The following CFAP20DC variants were observed in gnomAD, a reference collection of about 807,000 sequenced individuals.
CFAP20DC encodes CFAP20 domain containing.
In CFAP20DC, 84 loss-of-function variants were observed where a neutral mutation model predicts 101.7. The ratio of observed to expected loss-of-function variants is 0.83; its 90% CI spans 0.69 to 0.99. The LOEUF (loss-of-function observed/expected upper bound fraction) is 0.99, where lower values mean the gene tolerates loss of function less well. Ranked by LOEUF, CFAP20DC falls within the 50% of genes least tolerant of loss-of-function variation. The probability of loss-of-function intolerance (pLI) is 0.00; values close to 1 mark genes in which losing one functional copy is unlikely to be tolerated. For synonymous variants in CFAP20DC, 359 were observed against 351.2 expected, an observed-to-expected ratio of 1.02 and a Z score of -0.25; for missense variants, 1,007 against 970.3, an observed-to-expected ratio of 1.04 and a Z score of -0.50.
intron 14 of CFAP20DC, among the ~76,000 whole-genome samples, chr3:58,817,254 C>T (rs939190671): frequency 2.0e-5 from 3 of 152,214 alleles, no homozygotes; most frequent in Non-Finnish European, 4.4e-5. Flanking sequence ...CAAAGGAACG[C>T]AGTTCCTCAA....
At chr3:58,806,963 C>A (rs543886994) in intron 14 of CFAP20DC, among the ~76,000 whole-genome samples, 16 of 152,282 alleles carry the variant, frequency 1.1e-4, no homozygotes, top group African/African-American at 2.4e-4. Flanking sequence ...GTCTCACTGA[C>A]TGCTAGCACA....
chr3:58,867,734 T>C, intron 10 of CFAP20DC, 83 bp downstream of exon 10: 1 of 1,526,108 alleles, frequency 6.6e-7, no homozygotes, highest in Non-Finnish European at 9.0e-7. Context: ...TTCATAATCC[T>C]TTGAAATTTA....
chr3:58,963,190 T>TGTGTGTGTGTGTG (rs2091283461), intron 4 of CFAP20DC, among the ~76,000 whole-genome samples: 2 of 118,184 alleles, frequency 1.7e-5, no homozygotes, highest in East Asian at 2.8e-4. Flanking sequence ...GTTCAGTAGT[T>TGTGTGTGTGTGTG]TGTGTGTGTG....
chr3:58,848,476 G>A (rs1036394177), intron 13 of CFAP20DC, among the ~76,000 whole-genome samples: 2 of 152,118 alleles, frequency 1.3e-5, no homozygotes, highest in Admixed American at 6.6e-5. Flanking sequence ...GGAATTGAAG[G>A]AAGAAAAGTA....
chr3:58,957,197 T>C (rs555199556), intron 4 of CFAP20DC, among the ~76,000 whole-genome samples: 3 of 152,242 alleles, frequency 2.0e-5, no homozygotes, highest in African/African-American at 7.2e-5. Flanking sequence ...GGTAAAAGAT[T>C]TGAACAAACA....
intron 14 of CFAP20DC, among the ~76,000 whole-genome samples, chr3:58,812,381 A>G (rs2107798292): frequency 6.6e-6 from 1 of 152,308 alleles, no homozygotes; most frequent in Admixed American, 6.5e-5. Flanking sequence ...AGCCATAAAA[A>G]ATGATGAGTT....
intron 5 of CFAP20DC, among the ~76,000 whole-genome samples, chr3:58,919,137 T>G (rs2085058397): frequency 6.6e-6 from 1 of 152,212 alleles, no homozygotes; most frequent in African/African-American, 2.4e-5. Context: ...AACCACTGAT[T>G]TCTTTCACCT....
intron 4 of CFAP20DC, among the ~76,000 whole-genome samples, chr3:59,035,145 G>A (rs528803623): frequency 6.6e-6 from 1 of 152,288 alleles, no homozygotes; most frequent in South Asian, 2.1e-4. Flanking sequence ...TGAAACCAAT[G>A]AGAACAAAGA....
At chr3:59,040,796 CAATA>C (rs1699304057) in intron 3 of CFAP20DC, among the ~76,000 whole-genome samples, 1 of 151,958 alleles carries the variant, frequency 6.6e-6, no homozygotes, top group African/African-American at 2.4e-5. Flanking sequence ...ACATTCTAAA[CAATA>C]AACATATTTG....
intron 13 of CFAP20DC, among the ~76,000 whole-genome samples, chr3:58,843,180 T>A (rs1181503423): frequency 6.6e-6 from 1 of 152,164 alleles, no homozygotes; most frequent in Non-Finnish European, 1.5e-5. Flanking sequence ...TTTGATGAGC[T>A]GAGAGAAGAA....
chr3:58,834,160 G>A (rs1011078536), intron 13 of CFAP20DC, among the ~76,000 whole-genome samples: 1 of 152,088 alleles, frequency 6.6e-6, no homozygotes, highest in Non-Finnish European at 1.5e-5. Flanking sequence ...AAGAACTCCC[G>A]AATTCCTTAC....
intron 6 of CFAP20DC, among the ~76,000 whole-genome samples, chr3:58,889,059 A>G (rs2081926519): frequency 6.6e-6 from 1 of 151,960 alleles, no homozygotes; most frequent in African/African-American, 2.4e-5. Context: ...TCTTAATTCA[A>G]CATGTTATCA....
intron 5 of CFAP20DC, among the ~76,000 whole-genome samples, chr3:58,932,424 G>A (rs1022433151): frequency 2.6e-4 from 40 of 151,942 alleles, no homozygotes; most frequent in African/African-American, 9.4e-4. Context: ...TACAGAGAAT[G>A]CCACAAAGAT....
chr3:58,952,099 G>C lies in CFAP20DC; in HGVS notation c.279-14337C>G, dbSNP rs918063120. Among the ~76,000 whole-genome samples, 4 of 152,200 alleles carry C rather than the reference G, an allele frequency of 2.6e-5. No homozygotes were observed. In the South Asian group the frequency reaches 8.3e-4, roughly 32 times the overall value. ...AGGGATGGAATTTCTGGAAATTTGG[G>C]AGGAAAACCATTTATTACAAATTCA... On this transcript the variant is annotated intron_variant, in intron 4 of 16. Coordinates refer to ENST00000482387, the MANE Select transcript of CFAP20DC (RefSeq NM_001394063.1).
chr3:58,926,546 T>C (rs2085999813), intron 5 of CFAP20DC, among the ~76,000 whole-genome samples: 1 of 152,176 alleles, frequency 6.6e-6, no homozygotes, highest in South Asian at 2.1e-4. Context: ...AAACGACCTT[T>C]TGTCTGAATA....
chr3:58,941,843 A>C (rs1446498273), intron 4 of CFAP20DC, among the ~76,000 whole-genome samples: 1 of 152,214 alleles, frequency 6.6e-6, no homozygotes, highest in Non-Finnish European at 1.5e-5. Context: ...GACGTGAGCC[A>C]CTGTGCCCGG....
chr3:58,907,094 CGT>C (rs35001935), intron 6 of CFAP20DC, among the ~76,000 whole-genome samples: 2,971 of 148,838 alleles, frequency 0.02, 77 homozygotes, highest in African/African-American at 0.06. Context: ...CTTTGTGCCT[CGT>C]GTGTGTGTGT....
intron 6 of CFAP20DC, among the ~76,000 whole-genome samples, chr3:58,890,832 C>G (rs1473848914): frequency 6.7e-6 from 1 of 149,588 alleles, no homozygotes; most frequent in East Asian, 2.0e-4. Flanking sequence ...CGATGGGCCG[C>G]CGGGCAGAGA....
At position 58,901,363 on chromosome 3, in the gene CFAP20DC, G is replaced by T. The variant is rs145451055; in HGVS notation, c.550+12345C>A. 1.1e-4 allele frequency among the ~76,000 whole-genome samples: 16 copies of T among 152,296 alleles called. No homozygotes were observed. In the East Asian group the frequency reaches 2.3e-3, roughly 22 times the overall value. On this transcript the variant is annotated intron_variant, in intron 6 of 16. Transcript: ENST00000482387. Reference sequence around the variant, plus strand: ...CACAGGCTCTGGGGCAAGGCTTCCTGGGCTCATATTCTGGCTCCACCACTT... The same window carrying T: ...CACAGGCTCTGGGGCAAGGCTTCCTTGGCTCATATTCTGGCTCCACCACTT...
Sources: gnomAD v4.1 joint callset for allele counts (sites outside exome capture counted in the v4.1 genomes callset) on GRCh38, gnomAD v4.1.1 for gene constraint, MANE v1.5 for transcripts, NCBI Gene and HGNC (gene_info 2026-07-23, HGNC 2026-07-21) for gene names.